Variants in APBB2 observed in about 807,000 individuals in gnomAD.
The protein encoded by APBB2 is Fe65-like 1.
Under a neutral mutation model 82.5 loss-of-function variants are expected in APBB2, and 38 were observed. That is an observed-to-expected ratio of 0.46 (90% CI 0.36 to 0.60). The LOEUF is 0.60. APBB2 is among the 20% of genes least tolerant of loss of function. The pLI is 0.00. For synonymous variants in APBB2, 341 were observed against 368.2 expected (o/e 0.93, Z 0.85); for missense variants, 772 against 972.3 (o/e 0.79, Z 2.74).
chr4:41,180,943 T>C (rs543154025), intron 1 of APBB2, among the ~76,000 whole-genome samples: 10 of 33,876 alleles, frequency 3.0e-4, no homozygotes, highest in African/African-American at 1.9e-3. Flanking sequence ...AAGAAGTCCC[T>C]TTCATCTAAA....
chr4:41,101,972 GAAAAGA>G (rs1745620784), intron 2 of APBB2, among the ~76,000 whole-genome samples: 1 of 149,274 alleles, frequency 6.7e-6, no homozygotes, highest in South Asian at 2.1e-4. Flanking sequence ...AAAAAAAAAA[GAAAAGA>G]AAAAGAAAAA....
rs181899528 is a variant in APBB2 at position 40,936,063 on chromosome 4, A to G, written c.1045-924T>C. 1.2e-3 allele frequency among the ~76,000 whole-genome samples: 183 copies of G among 152,340 alleles called. 1 individual carries two copies. The highest frequency in any genetic ancestry group is 4.2e-3 in the African/African-American group (173 of 41,576). Reference sequence around the variant, plus strand: ...ATTGCTTTACTGACTGGTTAGGCAAATCTGTTTGTATAAGAAATCAACCAT... The same window carrying G: ...ATTGCTTTACTGACTGGTTAGGCAAGTCTGTTTGTATAAGAAATCAACCAT... On this transcript the variant is annotated intron_variant, in intron 7 of 17. Transcript: ENST00000508593.
At chr4:41,188,167 C>T (rs1280109311) in intron 1 of APBB2, among the ~76,000 whole-genome samples, 4 of 152,028 alleles carry the variant, frequency 2.6e-5, no homozygotes, top group Non-Finnish European at 4.4e-5. Context: ...AATCTAGAGA[C>T]AGAACAACCA....
chr4:40,919,675 C>G (rs1477401051), intron 10 of APBB2, among the ~76,000 whole-genome samples: 1 of 152,204 alleles, frequency 6.6e-6, no homozygotes, highest in Non-Finnish European at 1.5e-5. Context: ...CTCACCCCGA[C>G]TGGCAGGACT....
rs143094415 is a variant in APBB2, at chr4:40,880,736, C to A, written c.1529+9628G>T. 68 of 985,384 alleles carry A rather than the reference C, an allele frequency of 6.9e-5. No individual in the cohort carries two copies. In the African/African-American group the frequency reaches 1.2e-3, roughly 17 times the overall value. The allele number at this position is 985,384 out of a possible 1,614,324, so 61.0% of individuals were successfully genotyped here. A position where few individuals can be genotyped will look rare whatever the true frequency, so the allele number is the denominator to read the frequency against. On this transcript the variant is annotated intron_variant, in intron 12 of 17. Transcript: ENST00000508593. ...TCTGGCTCAGGACTCAGGGGAAGTG[C>A]GAGATGGAAGCTGTTCGAAGATCAT...
intron 6 of APBB2, among the ~76,000 whole-genome samples, chr4:41,012,438 C>T (rs1019178920): frequency 1.3e-5 from 2 of 152,088 alleles, no homozygotes; most frequent in Non-Finnish European, 2.9e-5. Flanking sequence ...AATTATGATT[C>T]CAATAATGTG....
chr4:41,092,467 G>T (rs1742066368), intron 3 of APBB2, among the ~76,000 whole-genome samples: 1 of 152,106 alleles, frequency 6.6e-6, no homozygotes, highest in African/African-American at 2.4e-5. Flanking sequence ...GACAACAAGA[G>T]TAAGATTTGG....
chr4:40,871,315 T>C (rs1298128994), intron 12 of APBB2, among the ~76,000 whole-genome samples: 1 of 152,144 alleles, frequency 6.6e-6, no homozygotes, highest in East Asian at 1.9e-4. Flanking sequence ...CAGTTAGTTT[T>C]TGTATTCTTA....
rs115638335 is a variant in APBB2, at chr4:41,178,557, T to A, written c.-416-35415A>T. On this transcript the variant is annotated intron_variant, in intron 1 of 17. Transcript: ENST00000508593. ...TACTGCCACCATCTATCACAGTGCA[T>A]GGCCCGAGGCAGGTGCTCAGTAAAC... Among the ~76,000 whole-genome samples the A allele has an allele frequency of 9.6e-3, 1,464 of 152,352 alleles. 25 individuals carry two copies. Among genetic ancestry groups the A allele is most frequent in the African/African-American group, 0.034 (1,402 of 41,586 alleles).
At chr4:40,855,239 G>A (rs1225211655) in intron 12 of APBB2, among the ~76,000 whole-genome samples, 5 of 152,164 alleles carry the variant, frequency 3.3e-5, no homozygotes, top group East Asian at 3.8e-4. Context: ...TGGGCCCCAC[G>A]CCAGCATAGT....
intron 3 of APBB2, among the ~76,000 whole-genome samples, chr4:41,095,245 C>G (rs577827484): frequency 2.0e-5 from 3 of 152,310 alleles, no homozygotes; most frequent in East Asian, 3.9e-4. Context: ...CTGCTGAAAG[C>G]AGATATAAGA....
rs930874073 is a variant in APBB2 at position 41,137,272 on chromosome 4, C to A, written c.-261+5715G>T. 3.3e-5 allele frequency among the ~76,000 whole-genome samples: 5 copies of A among 152,144 alleles called. No homozygotes were observed. In the East Asian group the frequency reaches 7.7e-4, roughly 23 times the overall value. On this transcript the variant is annotated intron_variant, in intron 2 of 17. Transcript: ENST00000508593. ...TAATATGCCAGCCTTGTAAAACCTT[C>A]ATTCAGTAGTTATTGGGAATGATTA...
At chr4:41,009,779 C>T (rs369897754) in intron 6 of APBB2, among the ~76,000 whole-genome samples, 6 of 152,092 alleles carry the variant, frequency 3.9e-5, no homozygotes, top group African/African-American at 1.4e-4. Context: ...TATTTGCTCT[C>T]GTTTTCTCTT....
intron 10 of APBB2, among the ~76,000 whole-genome samples, chr4:40,902,507 A>G (rs1775599423): frequency 6.6e-6 from 1 of 152,114 alleles, no homozygotes; most frequent in African/African-American, 2.4e-5. Flanking sequence ...TGTGAAAGTG[A>G]GAAAGTCTGA....
chr4:40,854,000 G>A (rs1760330091), intron 12 of APBB2, among the ~76,000 whole-genome samples: 1 of 152,166 alleles, frequency 6.6e-6, no homozygotes, highest in Non-Finnish European at 1.5e-5. Flanking sequence ...ATCTGTCTCA[G>A]TCCTTCATGC....
At position 40,881,528 on chromosome 4, in the gene APBB2, C is replaced by CT. The variant is rs148967363; in HGVS notation, c.1529+8835dup. 196 of 154,840 alleles carry CT rather than the reference C, an allele frequency of 1.3e-3. 5 individuals carry two copies. The highest frequency in any genetic ancestry group is 3.7e-3 in the Middle Eastern group (1 of 270). The allele number at this position is 154,840 out of a possible 1,614,324, so 9.6% of individuals were successfully genotyped here. On this transcript the variant is annotated intron_variant, in intron 12 of 17. Coordinates refer to ENST00000508593, the MANE Select transcript of APBB2 (RefSeq NM_004307.2). ...TTTCTTTCCTTTTATCTTTTCTTTT[C>CT]TTTTTCTTTTTTTTTTTTTTTTTGA... is the stretch of plus-strand genomic sequence containing the variant.
At chr4:40,910,542 A>G (rs1778274945) in intron 10 of APBB2, among the ~76,000 whole-genome samples, 1 of 152,112 alleles carries the variant, frequency 6.6e-6, no homozygotes, top group South Asian at 2.1e-4. Flanking sequence ...CCCAGCTCCC[A>G]GCCCTAGTCT....
chr4:40,992,361 T>TGG (rs3058175), intron 6 of APBB2, among the ~76,000 whole-genome samples: 60,256 of 138,026 alleles, frequency 0.44, 13,683 homozygotes, highest in East Asian at 0.61. Flanking sequence ...TTGGTAGAGA[T>TGG]GGGGGGGGGT....
chr4:41,034,517 G>A (rs960833748), intron 4 of APBB2, among the ~76,000 whole-genome samples: 8 of 152,154 alleles, frequency 5.3e-5, no homozygotes, highest in East Asian at 1.9e-4. Flanking sequence ...TAGAAACAGC[G>A]TTTCACCATG....
Sources: allele counts gnomAD v4.1 joint callset (sites outside exome capture counted in the v4.1 genomes callset), GRCh38; gene constraint gnomAD v4.1.1; transcripts MANE v1.5; gene names NCBI Gene and HGNC (gene_info 2026-07-23, HGNC 2026-07-21).